The following PCLO variants were observed in gnomAD, a reference collection of about 807,000 sequenced individuals.
The protein encoded by PCLO is protein piccolo.
Under a neutral mutation model 427.5 loss-of-function variants are expected in PCLO, and 82 were observed. The ratio of observed to expected loss-of-function variants is 0.19; its 90% confidence interval spans 0.16 to 0.23. The LOEUF (loss-of-function observed/expected upper bound fraction) is 0.23, where lower values mean the gene tolerates loss of function less well. Among genes scored for constraint, PCLO ranks in the 10% least tolerant of loss-of-function variants. The pLI is 1.00. For missense variants in PCLO, 6,239 were observed against 6,115.9 expected, an observed-to-expected ratio of 1.02 and a Z score of -0.67; for synonymous variants, 2,357 against 2,155.4, an observed-to-expected ratio of 1.09 and a Z score of -2.59.
intron 7 of PCLO, among the ~76,000 whole-genome samples, chr7:82,909,619 T>C (rs1467861946): frequency 1.3e-5 from 2 of 152,128 alleles, no homozygotes; most frequent in African/African-American, 4.8e-5. Flanking sequence ...TGCCAATAAG[T>C]TGTTGCTGGC....
At chr7:82,769,085 C>T (rs921422641) in intron 22 of PCLO, among the ~76,000 whole-genome samples, 5 of 152,132 alleles carry the variant, frequency 3.3e-5, no homozygotes, top group African/African-American at 1.2e-4. Flanking sequence ...TCTCTCATGG[C>T]TACTTTAGAT....
At chr7:83,120,781 C>G (rs552239631) in intron 3 of PCLO, among the ~76,000 whole-genome samples, 3 of 152,170 alleles carry the variant, frequency 2.0e-5, no homozygotes, top group Admixed American at 6.5e-5. Flanking sequence ...GATTCCCAGA[C>G]AAGCAAAAGC....
At chr7:83,049,902 T>C (rs924407207) in intron 3 of PCLO, among the ~76,000 whole-genome samples, 4 of 151,904 alleles carry the variant, frequency 2.6e-5, no homozygotes, top group Non-Finnish European at 5.9e-5. Flanking sequence ...ATAAGATAAA[T>C]TGAGGTTTCA....
In PCLO at chr7:82,915,855, C is replaced by T. The variant is rs1271626427; in HGVS notation, c.12131G>A (p.Arg4044Gln). 1.6e-5 allele frequency: 26 copies of T among 1,613,338 alleles called. No individual in the cohort carries two copies. The highest frequency in any genetic ancestry group is 8.8e-5 in the South Asian group (8 of 91,072). The part of the protein sequence containing the change: ...FYADIDHHTP[R>Q]NYVLIDDIGE... Reference sequence around the variant, plus strand: ...AATGTCGTCAATTAGGACATAATTTCGTGGAGTATGGTGATCAATATCTGC... The same window carrying T: ...AATGTCGTCAATTAGGACATAATTTTGTGGAGTATGGTGATCAATATCTGC... Residue 4044 changes from arginine (R) to glutamine (Q), a missense_variant, in exon 7 of 25, where the codon CGA (arginine) becomes CAA (glutamine). Physicochemically the swap from Arg to Gln is conservative, Grantham distance 43. Around this residue, in one of 5 missense-constraint regions of PCLO, gnomAD observed 680 missense variants for 677.3 expected, o/e 1.00. Transcript: ENST00000333891.
chr7:82,850,934 T>C (rs1252121165), intron 10 of PCLO, among the ~76,000 whole-genome samples: 1 of 152,134 alleles, frequency 6.6e-6, no homozygotes, highest in Non-Finnish European at 1.5e-5. Context: ...CCAGATTCAT[T>C]AGTCATTAGA....
At chr7:82,937,393 A>G (rs1454969684) in intron 6 of PCLO, among the ~76,000 whole-genome samples, 2 of 150,900 alleles carry the variant, frequency 1.3e-5, no homozygotes, top group Non-Finnish European at 3.0e-5. Context: ...ATAAAATAAT[A>G]AACTCTACTG....
chr7:82,917,696 C>T (rs1281714795), intron 6 of PCLO, among the ~76,000 whole-genome samples: 1 of 151,994 alleles, frequency 6.6e-6, no homozygotes, highest in Non-Finnish European at 1.5e-5. Flanking sequence ...TTCAGTGGCA[C>T]ATTTACAACT....
chr7:82,998,858 G>A (rs1401862670), intron 3 of PCLO, among the ~76,000 whole-genome samples: 3 of 151,682 alleles, frequency 2.0e-5, no homozygotes, highest in Non-Finnish European at 4.4e-5. Context: ...ACCAGGCATG[G>A]CAGAATGTTG....
intron 10 of PCLO, among the ~76,000 whole-genome samples, chr7:82,866,697 C>CA (rs577297815): frequency 6.8e-6 from 1 of 146,284 alleles, no homozygotes; most frequent in African/African-American, 2.5e-5. Flanking sequence ...CACACACACA[C>CA]CCCTTTAATA....
In PCLO at chr7:82,954,321, G is replaced by C. The variant is rs1358004779; in HGVS notation, c.6632C>G (p.Thr2211Arg). ...TTLDSITTVY[T>R]EPVDMITKFE... is the part of the protein sequence containing the mutation. ...TTTAGTTATCATGTCCACTGGCTCT[G>C]TATAAACTGTGGTTATGCTATCCAG... The change falls in exon 5 of 25, where the codon ACA becomes AGA. Residue 2211 changes from threonine to arginine, a missense_variant. Thr to Arg is a moderately conservative substitution (Grantham distance 71). Coordinates refer to ENST00000333891, the MANE Select transcript of PCLO (RefSeq NM_033026.6). 2 of 1,613,374 alleles carry C rather than the reference G, an allele frequency of 1.2e-6. No homozygotes were observed. Among genetic ancestry groups the C allele is most frequent in the Non-Finnish European group, 8.5e-7 (1 of 1,179,498 alleles).
chr7:82,885,789 G>GAA (rs552464459), intron 9 of PCLO, among the ~76,000 whole-genome samples: 3,938 of 139,150 alleles, frequency 0.028, 159 homozygotes, highest in African/African-American at 0.095. Context: ...AGAGCAAATG[G>GAA]AAAAAAAAAA....
chr7:82,925,695 G>A (rs917392123), intron 6 of PCLO, among the ~76,000 whole-genome samples: 7 of 145,262 alleles, frequency 4.8e-5, no homozygotes, highest in African/African-American at 1.8e-4. Context: ...TAGTGCAAAA[G>A]CTCAAGAATT....
rs535755467 is a variant in PCLO, at chr7:82,759,379, C to T, written c.15289-664G>A. Among the ~76,000 whole-genome samples, 26 of 151,808 alleles carry T rather than the reference C, an allele frequency of 1.7e-4. 1 individual carries two copies. Among genetic ancestry groups the T allele is most frequent in the African/African-American group, 4.3e-4 (18 of 41,470 alleles). Reference sequence around the variant, plus strand: ...TTATATAATTTACCCTTATTCCTGGCGAAAACTTTTATGCTTCTTACTTCA... The same window carrying T: ...TTATATAATTTACCCTTATTCCTGGTGAAAACTTTTATGCTTCTTACTTCA... On this transcript the variant is annotated intron_variant, in intron 24 of 24. Coordinates refer to ENST00000333891, the MANE Select transcript of PCLO (RefSeq NM_033026.6).
At position 82,950,257 on chromosome 7, in the gene PCLO, C is replaced by A. The variant is rs781540790; in HGVS notation, c.10331G>T (p.Gly3444Val). ...PRSFKKIVDS[G>V]VQTDDEDATD... The stretch of plus-strand genomic sequence containing the variant: ...GGCATCTTCGTCATCCGTTTGTACA[C>A]CACTGTCCACTATCTTTTTAAAACT... Residue 3444 changes from glycine (G) to valine (V), a missense_variant, in exon 6 of 25, where the codon GGT becomes GTT. By Grantham distance (109) the Gly-to-Val change is moderately radical. Around this residue, in one of 5 missense-constraint regions of PCLO, gnomAD observed 4,677 missense variants for 4,468.4 expected, o/e 1.05. Coordinates refer to ENST00000333891, the MANE Select transcript of PCLO (RefSeq NM_033026.6). 6.2e-6 allele frequency: 10 copies of A among 1,613,164 alleles called. No homozygotes were observed. The African/African-American group carries it at 1.1e-4, about 17-fold the overall frequency.
At chr7:82,913,513 C>G (rs555990553) in intron 7 of PCLO, among the ~76,000 whole-genome samples, 5 of 151,794 alleles carry the variant, frequency 3.3e-5, no homozygotes, top group Non-Finnish European at 5.9e-5. Context: ...ATTTCCAGAA[C>G]TCCATCTACA....
intron 3 of PCLO, among the ~76,000 whole-genome samples, chr7:83,003,324 A>T (rs1787869829): frequency 6.6e-6 from 1 of 151,772 alleles, no homozygotes; most frequent in African/African-American, 2.4e-5. Flanking sequence ...ACTAAGAATA[A>T]AATATTCCCT....
intron 7 of PCLO, 58 bp from the exon 8 acceptor site, chr7:82,909,071 G>A (rs1445155366): frequency 6.4e-7 from 1 of 1,563,248 alleles, no homozygotes; most frequent in Non-Finnish European, 8.8e-7. Flanking sequence ...GATGATTGAG[G>A]GAAGCAGATG....
At chr7:82,835,992 G>A (rs1459181866) in intron 15 of PCLO, among the ~76,000 whole-genome samples, 2 of 152,078 alleles carry the variant, frequency 1.3e-5, no homozygotes, top group Admixed American at 1.3e-4. Context: ...ACCTCACCAA[G>A]TAGGGACGTT....
chr7:82,859,188 G>T (rs1400991350), intron 10 of PCLO, among the ~76,000 whole-genome samples: 1 of 44,192 alleles, frequency 2.3e-5, no homozygotes, highest in African/African-American at 1.3e-4. Flanking sequence ...TCACCACCCT[G>T]AAGGGAAAGA....
Sources: allele counts gnomAD v4.1 joint callset (sites outside exome capture counted in the v4.1 genomes callset), GRCh38; gene constraint gnomAD v4.1.1; regional missense constraint gnomAD v4.1.1; transcripts MANE v1.5; gene names NCBI Gene and HGNC (gene_info 2026-07-23, HGNC 2026-07-21).